Variants in GARNL3 observed in about 807,000 individuals in gnomAD.
GARNL3 encodes the protein GTPase-activating Rap/Ran-GAP domain-like protein 3.
A neutral mutation model predicts 125.0 loss-of-function variants in GARNL3; 63 were observed. The observed-to-expected ratio is 0.50, with a 90% CI of 0.41 to 0.62. The LOEUF (loss-of-function observed/expected upper bound fraction) is 0.62. Among genes scored for constraint, GARNL3 ranks in the 20% least tolerant of loss-of-function variants. The pLI is 0.00. For missense variants in GARNL3, 994 were observed against 1,244.0 expected (o/e 0.80, Z 3.02); for synonymous variants, 439 against 457.5 (o/e 0.96, Z 0.52).
chr9:127,293,637 T>C (rs932514083), intron 2 of GARNL3, among the ~76,000 whole-genome samples: 13 of 152,342 alleles, frequency 8.5e-5, no homozygotes, highest in African/African-American at 3.1e-4. Flanking sequence ...GGTTTTATCA[T>C]CTGCGACCGA....
intron 19 of GARNL3, 34 bp downstream of exon 19, chr9:127,354,444 C>A (rs765101061): frequency 4.7e-6 from 6 of 1,276,356 alleles, no homozygotes; most frequent in Middle Eastern, 2.0e-4. Context: ...CCATTCGATT[C>A]GTTTTTTTTT....
chr9:127,315,296 C>T (rs556586246), intron 4 of GARNL3, among the ~76,000 whole-genome samples: 95 of 152,256 alleles, frequency 6.2e-4, no homozygotes, highest in African/African-American at 2.2e-3. Flanking sequence ...ATTCAACCCT[C>T]GCTCTCCCAA....
In GARNL3 at chr9:127,333,101, G is replaced by A. The variant is rs1008332449; in HGVS notation, c.749G>A (p.Arg250His). The change falls in exon 9 of 28, where the codon CGT becomes CAT. Residue 250 changes from arginine (R) to histidine (H), a missense_variant. Physicochemically the swap from Arg to His is conservative, Grantham distance 29. Transcript: ENST00000373387. ...TITLKGWTGY[R>H]GGLDTKNDTT... is the part of the protein sequence containing the mutation. ...ACTCTAAAGGGCTGGACGGGCTACC[G>A]TGGCGGTCTGGATACCAAAAGTAAG... The A allele has an allele frequency of 3.1e-5, 50 of 1,613,756 alleles. No homozygotes were observed. Among genetic ancestry groups the A allele is most frequent in the Non-Finnish European group, 4.0e-5 (47 of 1,179,814 alleles).
At chr9:127,387,354 TTATTAA>T (rs1300983471) in intron 25 of GARNL3, 23 bp downstream of exon 25, 4 of 1,592,528 alleles carry the variant, frequency 2.5e-6, no homozygotes, top group Non-Finnish European at 2.6e-6. Flanking sequence ...TTTTACTGTT[TTATTAA>T]TATTTGTAAT....
chr9:127,241,674 A>G (rs2063206957), intron 1 of GARNL3, among the ~76,000 whole-genome samples: 1 of 152,100 alleles, frequency 6.6e-6, no homozygotes, highest in Admixed American at 6.6e-5. Context: ...GACAAAGGGG[A>G]CAGGTAGGAG....
At chr9:127,234,090 TG>T (rs2063068521) in intron 1 of GARNL3, among the ~76,000 whole-genome samples, 1 of 152,210 alleles carries the variant, frequency 6.6e-6, no homozygotes, top group African/African-American at 2.4e-5. Flanking sequence ...GCAGCCTTCT[TG>T]GGAAAGACTA....
chr9:127,298,365 G>A (rs2064672637), intron 2 of GARNL3, among the ~76,000 whole-genome samples: 1 of 152,012 alleles, frequency 6.6e-6, no homozygotes, highest in South Asian at 2.1e-4. Context: ...TTTTAGTAGA[G>A]ACGGGGTTTC....
At chr9:127,243,290 G>T (rs545336291) in intron 2 of GARNL3, 29 of 1,344,490 alleles carry the variant, frequency 2.2e-5, no homozygotes, top group Admixed American at 7.6e-5. Context: ...TTGGGTTTAT[G>T]TTCACTATAG....
chr9:127,281,397 C>CT (rs1208937649), intron 1 of GARNL3, among the ~76,000 whole-genome samples: 1 of 152,172 alleles, frequency 6.6e-6, no homozygotes, highest in Non-Finnish European at 1.5e-5. Context: ...TAAGAAAAGT[C>CT]TGAGTCCAGA....
At chr9:127,339,397 C>T (rs538359345) in intron 12 of GARNL3, among the ~76,000 whole-genome samples, 19 of 151,992 alleles carry the variant, frequency 1.3e-4, no homozygotes, top group African/African-American at 4.6e-4. Context: ...TACATGGTGG[C>T]GGCAAGAGAA....
chr9:127,239,270 C>T (rs2063162934), intron 1 of GARNL3, among the ~76,000 whole-genome samples: 1 of 152,186 alleles, frequency 6.6e-6, no homozygotes, highest in African/African-American at 2.4e-5. Context: ...CTCTCTTCTT[C>T]AGCCTGTCCT....
At chr9:127,387,115 G>T in intron 24 of GARNL3, 78 bp from the exon 25 acceptor site, 1 of 1,460,144 alleles carries the variant, frequency 6.8e-7, no homozygotes, top group East Asian at 2.3e-5. Flanking sequence ...TGGAGGGTTT[G>T]CAGTGATGGC....
At chr9:127,358,772 C>T (rs1830820065) in intron 21 of GARNL3, among the ~76,000 whole-genome samples, 1 of 152,152 alleles carries the variant, frequency 6.6e-6, no homozygotes. Context: ...CTGTGTTCCT[C>T]CTCCAGGGAT....
At chr9:127,388,597 G>A (rs562377225) in intron 25 of GARNL3, 20 of 387,226 alleles carry the variant, frequency 5.2e-5, no homozygotes, top group South Asian at 1.5e-4. Flanking sequence ...TTTATTGCAC[G>A]CAGTTAAGAT....
At chr9:127,308,381 G>C (rs1273046669) in intron 2 of GARNL3, among the ~76,000 whole-genome samples, 1 of 152,092 alleles carries the variant, frequency 6.6e-6, no homozygotes, top group Non-Finnish European at 1.5e-5. Context: ...ATAGACACTG[G>C]GGCCTACTTG....
chr9:127,318,105 C>T lies in GARNL3; in HGVS notation c.481C>T (p.Leu161Phe), dbSNP rs1222270789. 1.2e-6 allele frequency: 2 copies of T among 1,608,734 alleles called. No individual in the cohort carries two copies. The highest frequency in any genetic ancestry group is 1.7e-6 in the Non-Finnish European group (2 of 1,175,178). ...ICLPYSPTKT[L>F]SVKSILSAMN... ...CCTTCCCTACAGTCCCACAAAAACTCTTTCTGTGAAGTCCATCTTAAGGTG... is the reference window on the plus strand; with the variant it reads ...CCTTCCCTACAGTCCCACAAAAACTTTTTCTGTGAAGTCCATCTTAAGGTG... The change falls in exon 5 of 28, where the codon CTT becomes TTT. Residue 161 changes from leucine to phenylalanine, a missense_variant. Leu to Phe is a conservative substitution (Grantham distance 22). Around this residue, in one of 5 missense-constraint regions of GARNL3, gnomAD observed 139 missense variants for 231.6 expected, o/e 0.60. Coordinates refer to ENST00000373387, the MANE Select transcript of GARNL3 (RefSeq NM_032293.5).
At chr9:127,351,797 C>T (rs1169438754) in intron 17 of GARNL3, among the ~76,000 whole-genome samples, 3 of 152,160 alleles carry the variant, frequency 2.0e-5, no homozygotes, top group African/African-American at 7.2e-5. Flanking sequence ...TGCTCTCGCC[C>T]TGTGTTTTGG....
At chr9:127,281,303 A>G (rs760435738) in intron 1 of GARNL3, among the ~76,000 whole-genome samples, 9 of 152,208 alleles carry the variant, frequency 5.9e-5, no homozygotes, top group Non-Finnish European at 1.2e-4. Context: ...TTGAAAAGAC[A>G]GAAGAATATG....
rs529748549 is a variant in GARNL3, at chr9:127,253,846, G to A, written c.143+10597G>A. ...ACAGGAAGAAGGGAGGACCTGGGTT[G>A]TGGGGGTGTTTCTTATCACTGAGAG... On this transcript the variant is annotated intron_variant, in intron 2 of 10. Transcript: ENST00000439286. Among the ~76,000 whole-genome samples, 3 of 152,310 alleles carry A rather than the reference G, an allele frequency of 2.0e-5. No individual in the cohort carries two copies. In the South Asian group the frequency reaches 6.2e-4, roughly 32 times the overall value.
Sources: allele counts gnomAD v4.1 joint callset (sites outside exome capture counted in the v4.1 genomes callset), GRCh38; gene constraint gnomAD v4.1.1; regional missense constraint gnomAD v4.1.1; transcripts MANE v1.5; gene names NCBI Gene and HGNC (gene_info 2026-07-23, HGNC 2026-07-21).